The following IGF1R variants were observed in gnomAD, a reference collection of about 807,000 sequenced individuals.
IGF1R encodes insulin like growth factor 1 receptor, also known as insulin-like growth factor 1 receptor.
Under a neutral mutation model 144.6 loss-of-function variants are expected in IGF1R, and 44 were observed. The observed-to-expected ratio is 0.30, with a 90% CI of 0.24 to 0.39. The LOEUF (loss-of-function observed/expected upper bound fraction) is 0.39, where lower values mean the gene tolerates loss of function less well. IGF1R is among the 10% of genes least tolerant of loss of function. The pLI, the probability that IGF1R is intolerant of heterozygous loss-of-function variation, is 1.00. For missense variants in IGF1R, 1,355 were observed against 1,833.7 expected, an observed-to-expected ratio of 0.74 and a Z score of 4.77; for synonymous variants, 795 against 722.8, an observed-to-expected ratio of 1.10 and a Z score of -1.60.
At chr15:98,747,140 G>C (rs2054887991) in intron 2 of IGF1R, among the ~76,000 whole-genome samples, 1 of 152,132 alleles carries the variant, frequency 6.6e-6, no homozygotes, top group Non-Finnish European at 1.5e-5. Flanking sequence ...TCAAACTATA[G>C]CTCTATCAGT....
At chr15:98,750,170 G>C (rs940736014) in intron 2 of IGF1R, among the ~76,000 whole-genome samples, 1 of 152,158 alleles carries the variant, frequency 6.6e-6, no homozygotes, top group South Asian at 2.1e-4. Flanking sequence ...GGAAGTCTAA[G>C]GTGCAGGCAG....
chr15:98,902,722 C>G (rs1324229039), intron 5 of IGF1R, among the ~76,000 whole-genome samples: 1 of 152,178 alleles, frequency 6.6e-6, no homozygotes, highest in Non-Finnish European at 1.5e-5. Context: ...CCTTCTTGAA[C>G]TTCTTTTATA....
intron 7 of IGF1R, 98 bp downstream of exon 7, chr15:98,911,539 G>T (rs971685582): frequency 6.6e-7 from 1 of 1,505,910 alleles, no homozygotes; most frequent in Non-Finnish European, 9.2e-7. Context: ...AATACAGGGG[G>T]TCAGCAGAGT....
At chr15:98,771,651 T>C (rs1408094898) in intron 2 of IGF1R, among the ~76,000 whole-genome samples, 1 of 152,156 alleles carries the variant, frequency 6.6e-6, no homozygotes, top group Non-Finnish European at 1.5e-5. Context: ...ATCTTACATC[T>C]AGGCTTGGGT....
In IGF1R at chr15:98,760,599, G is replaced by A. The variant is rs138113990; in HGVS notation, c.640+52492G>A. ...AGCTGAGCTGAGTGCATGTCGCTGC[G>A]GCATTGCAGGCGTGTGTGCATGTTG... On this transcript the variant is annotated intron_variant, in intron 2 of 20. Transcript: ENST00000650285. 1.5e-3 allele frequency among the ~76,000 whole-genome samples: 234 copies of A among 152,268 alleles called. 3 individuals carry two copies. The highest frequency in any genetic ancestry group is 5.3e-3 in the African/African-American group (219 of 41,562).
intron 2 of IGF1R, among the ~76,000 whole-genome samples, chr15:98,771,492 G>C (rs1282485400): frequency 1.3e-5 from 2 of 152,176 alleles, no homozygotes; most frequent in Admixed American, 6.5e-5. Context: ...AGAGGGACCT[G>C]CACAAGGCTT....
At chr15:98,834,978 G>T (rs1047393677) in intron 2 of IGF1R, among the ~76,000 whole-genome samples, 19 of 152,100 alleles carry the variant, frequency 1.2e-4, no homozygotes, top group Admixed American at 1.2e-3. Flanking sequence ...GATGGCGAGT[G>T]TTGAGATGTC....
intron 2 of IGF1R, among the ~76,000 whole-genome samples, chr15:98,756,420 G>T (rs1021618401): frequency 6.6e-6 from 1 of 151,852 alleles, no homozygotes; most frequent in Admixed American, 6.6e-5. Context: ...TTTTCTACTT[G>T]CTGGGAAAGA....
intron 2 of IGF1R, among the ~76,000 whole-genome samples, chr15:98,798,114 A>G (rs527797293): frequency 6.6e-6 from 1 of 152,270 alleles, no homozygotes; most frequent in Admixed American, 6.5e-5. Flanking sequence ...GGGTTATAGA[A>G]GTGGACAAAA....
At chr15:98,812,126 T>C (rs1376597481) in intron 2 of IGF1R, among the ~76,000 whole-genome samples, 1 of 152,186 alleles carries the variant, frequency 6.6e-6, no homozygotes, top group Non-Finnish European at 1.5e-5. Context: ...TAAAAAGCCC[T>C]CCTTGAGAGA....
chr15:98,801,238 A>G (rs563106527), intron 2 of IGF1R, among the ~76,000 whole-genome samples: 1 of 152,260 alleles, frequency 6.6e-6, no homozygotes, highest in East Asian at 1.9e-4. Flanking sequence ...TGGGGTCCAC[A>G]TGTGCCAGTC....
chr15:98,874,559 G>C (rs1380251719), intron 2 of IGF1R, among the ~76,000 whole-genome samples: 8 of 152,206 alleles, frequency 5.3e-5, no homozygotes, highest in Admixed American at 5.2e-4. Context: ...AGAGCCGTGG[G>C]CTCAGAGGCT....
chr15:98,883,616 A>G (rs2013489813), intron 2 of IGF1R, among the ~76,000 whole-genome samples: 1 of 152,160 alleles, frequency 6.6e-6, no homozygotes, highest in African/African-American at 2.4e-5. Flanking sequence ...GATTGATTGA[A>G]GATTATTTTA....
rs1255032001 is a variant in IGF1R, at chr15:98,963,036, C to T, written c.*5594C>T. Reference sequence around the variant, plus strand: ...GCGTTTTCAATAGGGCTCTTAAGTCCAGTAGATTACGGGTAGTCAGTTGAC... The same window carrying T: ...GCGTTTTCAATAGGGCTCTTAAGTCTAGTAGATTACGGGTAGTCAGTTGAC... On this transcript the variant is annotated 3_prime_UTR_variant, in exon 21 of 21. Coordinates refer to ENST00000650285, the MANE Select transcript of IGF1R (RefSeq NM_000875.5). 4.3e-6 allele frequency: 1 copy of T among 233,592 alleles called. No individual in the cohort carries two copies. Among genetic ancestry groups the T allele is most frequent in the Non-Finnish European group, 8.5e-6 (1 of 118,004 alleles). The allele number at this position is 233,592 out of a possible 1,614,324, so 14.5% of individuals were successfully genotyped here.
intron 2 of IGF1R, among the ~76,000 whole-genome samples, chr15:98,730,184 C>T (rs1200203624): frequency 1.3e-5 from 2 of 151,780 alleles, no homozygotes; most frequent in East Asian, 1.9e-4. Context: ...GGGCAGGTCA[C>T]CTCACCTCTC....
intron 2 of IGF1R, among the ~76,000 whole-genome samples, chr15:98,788,052 C>CTGTGTGTGTGTGTGTGTGTG (rs1167503156): frequency 2.1e-5 from 3 of 139,562 alleles, no homozygotes; most frequent in African/African-American, 8.5e-5. Context: ...CTCTCTCTCT[C>CTGTGTGTGTGTGTGTGTGTG]TCTCTCTCTC....
chr15:98,840,109 A>G (rs2011147940), intron 2 of IGF1R, among the ~76,000 whole-genome samples: 1 of 152,198 alleles, frequency 6.6e-6, no homozygotes, highest in Non-Finnish European at 1.5e-5. Context: ...ATTGCACATT[A>G]CATTCTTTTC....
rs538639762 is a variant in IGF1R at position 98,842,818 on chromosome 15, G to A, written c.641-48507G>A. Among the ~76,000 whole-genome samples, 36 of 152,324 alleles carry A rather than the reference G, an allele frequency of 2.4e-4. No homozygotes were observed. The South Asian group carries it at 3.1e-3, about 13-fold the overall frequency. On this transcript the variant is annotated intron_variant, in intron 2 of 20. Coordinates refer to ENST00000650285, the MANE Select transcript of IGF1R (RefSeq NM_000875.5). Reference sequence around the variant, plus strand: ...AGGATTTGTGCAAGTATTCTGCTATGAGCCTAAGATTTTCAACATGGAAAT... The same window carrying A: ...AGGATTTGTGCAAGTATTCTGCTATAAGCCTAAGATTTTCAACATGGAAAT...
intron 2 of IGF1R, among the ~76,000 whole-genome samples, chr15:98,796,496 AG>A (rs2056245291): frequency 6.6e-6 from 1 of 152,114 alleles, no homozygotes; most frequent in African/African-American, 2.4e-5. Context: ...CAGGGAGAAA[AG>A]AGATAAAGAC....
Sources: gnomAD v4.1 joint callset for allele counts (sites outside exome capture counted in the v4.1 genomes callset) on GRCh38, gnomAD v4.1.1 for gene constraint, MANE v1.5 for transcripts, NCBI Gene and HGNC (gene_info 2026-07-23, HGNC 2026-07-21) for gene names.